The following PCGF6 variants were observed in gnomAD, a reference collection of about 807,000 sequenced individuals.
PCGF6 encodes polycomb group ring finger 6.
In PCGF6, 24 loss-of-function variants were observed where a neutral mutation model predicts 45.5. That is an observed-to-expected ratio of 0.53 (90% CI 0.38 to 0.74). PCGF6 has a LOEUF of 0.74. Among genes scored for constraint, PCGF6 ranks in the 30% least tolerant of loss-of-function variants. The pLI is 0.00. For missense variants in PCGF6, 356 were observed against 443.2 expected, an observed-to-expected ratio of 0.80 and a Z score of 1.77; for synonymous variants, 152 against 162.1, an observed-to-expected ratio of 0.94 and a Z score of 0.47.
In PCGF6 at chr10:103,322,398, G is replaced by T. The variant is rs368732479; in HGVS notation, c.909+4136C>A. ...TTTTGGTATTTTTTGTAGAGCTGGG[G>T]TTTCGCTATGTTGCCCAGGCTGGTC... On this transcript the variant is annotated intron_variant, in intron 8 of 9. Transcript: ENST00000369847. 7.6e-4 allele frequency among the ~76,000 whole-genome samples: 116 copies of T among 152,092 alleles called. 1 individual carries two copies. The highest frequency in any genetic ancestry group is 2.5e-3 in the African/African-American group (105 of 41,518).
chr10:103,304,008 G>GT (rs1349029062), intron 9 of PCGF6, 47 bp from the exon 10 acceptor site: 7 of 1,485,106 alleles, frequency 4.7e-6, no homozygotes, highest in Non-Finnish European at 6.6e-6. Context: ...TTTCAAACCA[G>GT]TAATGCAAAT....
At chr10:103,308,534 G>C (rs932842238) in intron 9 of PCGF6, among the ~76,000 whole-genome samples, 1 of 151,720 alleles carries the variant, frequency 6.6e-6, no homozygotes, top group Non-Finnish European at 1.5e-5. Context: ...AAGTAGCTGG[G>C]ATTACAGTAG....
chr10:103,313,514 G>A (rs1330280182), intron 9 of PCGF6, among the ~76,000 whole-genome samples: 1 of 152,106 alleles, frequency 6.6e-6, no homozygotes, highest in African/African-American at 2.4e-5. Context: ...GCAGTGAGCT[G>A]AGATAGTGCC....
At chr10:103,312,773 C>T (rs561089680) in intron 9 of PCGF6, among the ~76,000 whole-genome samples, 243 of 152,126 alleles carry the variant, frequency 1.6e-3, no homozygotes, top group African/African-American at 5.6e-3. Context: ...ACCAGCCTGA[C>T]CAACACAGAG....
chr10:103,332,308 C>T (rs573689821), intron 7 of PCGF6, among the ~76,000 whole-genome samples: 12 of 152,262 alleles, frequency 7.9e-5, no homozygotes, highest in Non-Finnish European at 1.5e-4. Flanking sequence ...AAGACAGAGT[C>T]TTACTCTGTC....
chr10:103,345,343 T>C (rs1038426718), intron 5 of PCGF6, among the ~76,000 whole-genome samples: 1 of 152,112 alleles, frequency 6.6e-6, no homozygotes, highest in Non-Finnish European at 1.5e-5. Context: ...AAGGCAGACA[T>C]GTGGCTGGCT....
intron 6 of PCGF6, among the ~76,000 whole-genome samples, chr10:103,340,198 AATAT>A (rs1191965991): frequency 0.011 from 961 of 87,808 alleles, 9 homozygotes; most frequent in South Asian, 0.021. Context: ...AAAAAAAAAA[AATAT>A]ATATATATAT....
At position 103,312,272 on chromosome 10, in the gene PCGF6, A is replaced by G. The variant is rs191446237; in HGVS notation, c.996+1914T>C. 9.4e-4 allele frequency among the ~76,000 whole-genome samples: 142 copies of G among 151,542 alleles called. 1 individual carries two copies. The highest frequency in any genetic ancestry group is 3.4e-3 in the African/African-American group (141 of 41,284). On this transcript the variant is annotated intron_variant, in intron 9 of 9. Transcript: ENST00000369847. ...GCCAGGCGTGGTGGCAGGCACCTAT[A>G]GTCCCAGCTACCTGGGAGGCTGAGG...
rs1379200610 is a variant in PCGF6 at position 103,347,294 on chromosome 10, T to C, written c.617A>G (p.Glu206Gly). ...ATAGAAATCATGCATTTGCTTTTTT[T>C]CTCCTAAAAAATGATAAAACACAGA... ...YKLVINLEER[E>G]KKQMHDFYKE... Residue 206 changes from glutamate (E) to glycine (G), a missense_variant, in exon 5 of 10, where the codon GAA becomes GGA. Around this residue, in one of 2 missense-constraint regions of PCGF6, gnomAD observed 307 missense variants for 350.1 expected, o/e 0.88. Transcript: ENST00000369847. 1.2e-6 allele frequency: 2 copies of C among 1,607,646 alleles called. No homozygotes were observed. The highest frequency in any genetic ancestry group is 1.7e-6 in the Non-Finnish European group (2 of 1,174,356).
chr10:103,342,597 G>A (rs540025668), intron 6 of PCGF6, among the ~76,000 whole-genome samples: 14 of 152,084 alleles, frequency 9.2e-5, no homozygotes, highest in Non-Finnish European at 1.8e-4. Context: ...GTGTACTTGC[G>A]TATTTTCCAC....
At chr10:103,327,566 A>G (rs1272905227) in intron 7 of PCGF6, among the ~76,000 whole-genome samples, 1 of 152,184 alleles carries the variant, frequency 6.6e-6, no homozygotes, top group Non-Finnish European at 1.5e-5. Flanking sequence ...GACACTTAAC[A>G]TGAATTTATA....
At chr10:103,338,105 G>A (rs1220416691) in intron 6 of PCGF6, among the ~76,000 whole-genome samples, 2 of 151,406 alleles carry the variant, frequency 1.3e-5, no homozygotes, top group African/African-American at 2.4e-5. Context: ...GCTGAGCATG[G>A]TGGTGCATGT....
At position 103,349,719 on chromosome 10, in the gene PCGF6, T is replaced by C. The variant is rs909018792; in HGVS notation, c.361-720A>G. On this transcript the variant is annotated intron_variant, in intron 1 of 9. Transcript: ENST00000369847. ...TGAACTCCTGACCTCGTGTTTCGCC[T>C]GCCTCGGCCTCCCAAAGTGCGGGGA... Among the ~76,000 whole-genome samples the C allele has an allele frequency of 6.7e-5, 10 of 148,934 alleles. No homozygotes were observed. The East Asian group carries it at 1.9e-3, about 28-fold the overall frequency.
intron 6 of PCGF6, among the ~76,000 whole-genome samples, chr10:103,334,310 A>G (rs2093249426): frequency 6.6e-6 from 1 of 152,116 alleles, no homozygotes; most frequent in Non-Finnish European, 1.5e-5. Flanking sequence ...TATATACTGT[A>G]AACTAATAAA....
At chr10:103,305,562 C>T (rs2093135355) in intron 9 of PCGF6, among the ~76,000 whole-genome samples, 1 of 152,120 alleles carries the variant, frequency 6.6e-6, no homozygotes, top group South Asian at 2.1e-4. Context: ...TGACCCGCTG[C>T]ACCCGGCCCT....
At chr10:103,338,294 A>G (rs1261813611) in intron 6 of PCGF6, among the ~76,000 whole-genome samples, 1 of 151,916 alleles carries the variant, frequency 6.6e-6, no homozygotes, top group Non-Finnish European at 1.5e-5. Flanking sequence ...CTCTAATCCC[A>G]GCACTTTAGG....
intron 6 of PCGF6, among the ~76,000 whole-genome samples, chr10:103,344,622 G>GC (rs2093292909): frequency 6.6e-6 from 1 of 150,856 alleles, no homozygotes; most frequent in Non-Finnish European, 1.5e-5. Context: ...GAGTGCAATG[G>GC]CGCGATCTTG....
chr10:103,345,100 T>C lies in PCGF6; in HGVS notation c.706A>G (p.Arg236Gly), dbSNP rs1407888490. The change falls in exon 6 of 10, where the codon AGA becomes GGA. Residue 236 changes from arginine (R) to glycine (G), a missense_variant. Physicochemically the swap from Arg to Gly is moderately radical, Grantham distance 125 (BLOSUM62 -2). Transcript: ENST00000369847. The stretch of plus-strand genomic sequence containing the variant: ...ACTGATTCTAGGACTTTTTTAGATC[T>C]TCCTTTGCTTGAAGGGACTGGCTGT... ...VPQPVPSSKG[R>G]SKKVLESVFR... The C allele has an allele frequency of 6.2e-7, 1 of 1,613,076 alleles. No homozygotes were observed. The highest frequency in any genetic ancestry group is 1.7e-5 in the Admixed American group (1 of 59,912).
chr10:103,315,270 C>G (rs770446244), intron 8 of PCGF6, among the ~76,000 whole-genome samples: 1 of 152,020 alleles, frequency 6.6e-6, no homozygotes, highest in Non-Finnish European at 1.5e-5. Flanking sequence ...ATTGCAGCCT[C>G]AAACTCCTAG....
Sources: allele counts gnomAD v4.1 joint callset (sites outside exome capture counted in the v4.1 genomes callset), GRCh38; gene constraint gnomAD v4.1.1; regional missense constraint gnomAD v4.1.1; transcripts MANE v1.5; gene names NCBI Gene and HGNC (gene_info 2026-07-23, HGNC 2026-07-21).